The following CALN1 variants were observed in gnomAD, a reference collection of about 807,000 sequenced individuals.
The protein encoded by CALN1 is calneuron 1.
A neutral mutation model predicts 30.6 loss-of-function variants in CALN1; 17 were observed. The observed-to-expected ratio is 0.56, with a 90% CI of 0.38 to 0.83. CALN1 has a LOEUF of 0.83. CALN1 is among the 40% of genes least tolerant of loss of function. The pLI is 0.00. For synonymous variants in CALN1, 156 were observed against 131.4 expected (o/e 1.19, Z -1.28); for missense variants, 291 against 354.9 (o/e 0.82, Z 1.45).
intron 5 of CALN1, among the ~76,000 whole-genome samples, chr7:71,839,200 T>G (rs1789792497): frequency 6.6e-6 from 1 of 152,168 alleles, no homozygotes; most frequent in Admixed American, 6.5e-5. Flanking sequence ...CATGTCTAGA[T>G]GTGATGTCTG....
intron 4 of CALN1, among the ~76,000 whole-genome samples, chr7:72,044,511 C>CCT (rs1209850390): frequency 6.6e-6 from 1 of 151,878 alleles, no homozygotes; most frequent in Non-Finnish European, 1.5e-5. Flanking sequence ...GAGAAACAGG[C>CCT]CTCTCAATTG....
At chr7:72,323,224 G>A (rs1233823557) in intron 2 of CALN1, among the ~76,000 whole-genome samples, 1 of 152,068 alleles carries the variant, frequency 6.6e-6, no homozygotes, top group East Asian at 1.9e-4. Context: ...GGGTGGGAAA[G>A]GCAGGAACCC....
chr7:71,836,438 C>T (rs753878735), intron 5 of CALN1, among the ~76,000 whole-genome samples: 11 of 152,082 alleles, frequency 7.2e-5, no homozygotes, highest in African/African-American at 2.4e-4. Context: ...GTGGTGCAAT[C>T]GCATCTCTGC....
chr7:72,377,881 C>T (rs1319254379), intron 2 of CALN1, among the ~76,000 whole-genome samples: 1 of 152,156 alleles, frequency 6.6e-6, no homozygotes, highest in Non-Finnish European at 1.5e-5. Flanking sequence ...TCCTCAGGTC[C>T]TTCCTGGGCA....
intron 1 of CALN1, among the ~76,000 whole-genome samples, chr7:72,446,191 A>G (rs761577203): frequency 9.2e-5 from 14 of 152,210 alleles, no homozygotes; most frequent in Admixed American, 2.0e-4. Context: ...TCCTTTGGGT[A>G]TGACTCGGAA....
chr7:72,053,716 G>C lies in CALN1; in HGVS notation c.389-29947C>G, dbSNP rs1802989068. On this transcript the variant is annotated intron_variant, in intron 4 of 6. Coordinates refer to ENST00000395275, the MANE Select transcript of CALN1 (RefSeq NM_031468.4). ...TTACGAGTAAGCTTTTTAGAGATTT[G>C]TGAGAACATGGTGTACCCATCACCC... 3.3e-5 allele frequency among the ~76,000 whole-genome samples: 5 copies of C among 151,962 alleles called. 1 individual carries two copies. The highest frequency in any genetic ancestry group is 1.3e-4 in the Admixed American group (2 of 15,242).
intron 3 of CALN1, among the ~76,000 whole-genome samples, chr7:72,193,363 C>T (rs1790764632): frequency 1.3e-5 from 2 of 152,034 alleles, no homozygotes; most frequent in Non-Finnish European, 2.9e-5. Context: ...GGGTAGAAGA[C>T]TCAGACATTT....
chr7:72,333,556 C>T (rs533944365), intron 2 of CALN1, among the ~76,000 whole-genome samples: 1 of 152,222 alleles, frequency 6.6e-6, no homozygotes, highest in South Asian at 2.1e-4. Context: ...ACTGTTTTAA[C>T]GAGCATCAGA....
chr7:72,278,132 C>A (rs898957425), intron 3 of CALN1, among the ~76,000 whole-genome samples: 2 of 152,114 alleles, frequency 1.3e-5, no homozygotes, highest in South Asian at 4.2e-4. Flanking sequence ...TCCCTAACCC[C>A]TGCCTTGAGC....
chr7:72,330,187 G>A (rs904405166), intron 2 of CALN1, among the ~76,000 whole-genome samples: 5 of 151,960 alleles, frequency 3.3e-5, no homozygotes, highest in South Asian at 2.1e-4. Flanking sequence ...CAGCTACTCC[G>A]GATGCTGAGG....
intron 2 of CALN1, among the ~76,000 whole-genome samples, chr7:72,279,875 G>T (rs965331171): frequency 1.3e-5 from 2 of 152,202 alleles, no homozygotes; most frequent in African/African-American, 4.8e-5. Context: ...AGCAGAATTA[G>T]GGCCAACAGG....
intron 3 of CALN1, among the ~76,000 whole-genome samples, chr7:72,238,299 A>G (rs998335818): frequency 1.4e-4 from 22 of 152,156 alleles, no homozygotes; most frequent in Non-Finnish European, 5.9e-5. Flanking sequence ...ATCCAGAGAA[A>G]CAAATGTCTA....
At chr7:72,123,742 A>G (rs1808553620) in intron 3 of CALN1, among the ~76,000 whole-genome samples, 1 of 152,178 alleles carries the variant, frequency 6.6e-6, no homozygotes, top group Non-Finnish European at 1.5e-5. Flanking sequence ...ATTGATAAAG[A>G]GCTGACTATG....
intron 4 of CALN1, among the ~76,000 whole-genome samples, chr7:72,027,116 C>A (rs1801113541): frequency 6.6e-6 from 1 of 152,160 alleles, no homozygotes; most frequent in African/African-American, 2.4e-5. Flanking sequence ...TGGCTTGCGG[C>A]TCTTCTAGGG....
chr7:72,375,817 ATTGT>A (rs942200853), intron 2 of CALN1, among the ~76,000 whole-genome samples: 1 of 152,068 alleles, frequency 6.6e-6, no homozygotes, highest in South Asian at 2.1e-4. Flanking sequence ...TAAGTATATA[ATTGT>A]TTGTTAGTAT....
intron 5 of CALN1, among the ~76,000 whole-genome samples, chr7:71,847,828 G>GGAGAAT (rs1562835888): frequency 2.9e-5 from 3 of 102,522 alleles, no homozygotes; most frequent in African/African-American, 1.5e-4. Context: ...AGAAGGAGAA[G>GGAGAAT]GAGAAGGAGA....
the CALN1 span, among the ~76,000 whole-genome samples, chr7:72,490,613 T>C: frequency 0.15 from 23,441 of 152,160 alleles, 1,984 homozygotes; most frequent in African/African-American, 0.2. Flanking sequence ...GACTGGATCA[T>C]GGGGGGCAGA....
chr7:72,063,636 G>A (rs967925606), intron 4 of CALN1, among the ~76,000 whole-genome samples: 3 of 152,108 alleles, frequency 2.0e-5, no homozygotes, highest in Admixed American at 6.5e-5. Flanking sequence ...AGCAAAACTT[G>A]GATAGTATAA....
chr7:71,822,801 T>C (rs1414885076), intron 5 of CALN1, among the ~76,000 whole-genome samples: 1 of 152,232 alleles, frequency 6.6e-6, no homozygotes, highest in Non-Finnish European at 1.5e-5. Flanking sequence ...TTGAGATTTA[T>C]GATGACACAT....
Sources: allele counts gnomAD v4.1 joint callset (sites outside exome capture counted in the v4.1 genomes callset), GRCh38; gene constraint gnomAD v4.1.1; transcripts MANE v1.5; gene names NCBI Gene and HGNC (gene_info 2026-07-23, HGNC 2026-07-21).